The following ARSI variants were observed in gnomAD, a reference collection of about 807,000 sequenced individuals.
The protein encoded by ARSI is arylsulfatase I.
Under a neutral mutation model 42.1 loss-of-function variants are expected in ARSI, and 37 were observed. The ratio of observed to expected loss-of-function variants is 0.88; its 90% CI spans 0.68 to 1.16. The LOEUF (loss-of-function observed/expected upper bound fraction) is 1.16. ARSI is among the 50% of genes most tolerant of loss of function. The pLI is 0.00. For synonymous variants in ARSI, 305 were observed against 320.3 expected, an observed-to-expected ratio of 0.95 and a Z score of 0.51; for missense variants, 725 against 790.1, an observed-to-expected ratio of 0.92 and a Z score of 0.99.
intron 1 of ARSI, among the ~76,000 whole-genome samples, chr5:150,300,790 A>C (rs1757906817): frequency 6.6e-6 from 1 of 152,126 alleles, no homozygotes; most frequent in Non-Finnish European, 1.5e-5. Flanking sequence ...CTTAAACCAA[A>C]AGTCACCTCT....
At position 150,298,341 on chromosome 5, in the gene ARSI, C is replaced by T. The variant is rs1036095892; in HGVS notation, c.583G>A (p.Glu195Lys). ...AGCCCCCAGGCCACATTCTCACCCT[C>T]GTGCAGGTCGAAGCCGCACACGCCT... is the stretch of plus-strand genomic sequence containing the variant. Reference protein sequence around the residue: ...GPGVCGFDLHEGENVAWGLSG... With the variant: ...GPGVCGFDLHKGENVAWGLSG... The change falls in exon 2 of 2, where the codon GAG (glutamate) becomes AAG (lysine). Residue 195 changes from glutamate to lysine, a missense_variant. Physicochemically the swap from Glu to Lys is moderately conservative, Grantham distance 56 (BLOSUM62 1). Transcript: ENST00000328668. 1.7e-5 allele frequency: 28 copies of T among 1,613,992 alleles called. 1 individual carries two copies. The highest frequency in any genetic ancestry group is 2.7e-5 in the African/African-American group (2 of 74,930).
At position 150,302,722 on chromosome 5, in the gene ARSI, T is replaced by G; in HGVS notation, c.-349A>C. On this transcript the variant is annotated 5_prime_UTR_variant, in exon 1 of 2. Transcript: ENST00000328668. This position sits in a 1 kb window ranked among gnomAD's most constrained non-coding sequence, Gnocchi z 6.1. Reference sequence around the variant, plus strand: ...TCTCTACCATCCTCTGACTCCCCTCTTCCTTCTTGCCCTGGATTTCTCCCG... The same window carrying G: ...TCTCTACCATCCTCTGACTCCCCTCGTCCTTCTTGCCCTGGATTTCTCCCG... The G allele has an allele frequency of 1.0e-5, 2 of 196,034 alleles. No homozygotes were observed. The highest frequency in any genetic ancestry group is 2.1e-5 in the Non-Finnish European group (2 of 97,484). The allele number at this position is 196,034 out of a possible 1,614,324, so 12.1% of individuals were successfully genotyped here.
At chr5:150,301,950 C>T in intron 1 of ARSI, 113 bp downstream of exon 1, 2 of 1,175,392 alleles carry the variant, frequency 1.7e-6, no homozygotes, top group Non-Finnish European at 2.3e-6. Flanking sequence ...GATTACACAG[C>T]CAACAGGAGA....
Position 150,298,347 on chromosome 5 carries a change from G to T in ARSI, c.577C>A (p.Leu193Met), listed in dbSNP as rs1562225163. Residue 193 changes from leucine to methionine, a missense_variant, in exon 2 of 2, where the codon CTG (leucine) becomes ATG (methionine). By Grantham distance (15) the Leu-to-Met change is conservative. Transcript: ENST00000328668. Reference protein sequence around the residue: ...CDGPGVCGFDLHEGENVAWGL... With the variant: ...CDGPGVCGFDMHEGENVAWGL... ...CAGGCCACATTCTCACCCTCGTGCA[G>T]GTCGAAGCCGCACACGCCTGGGCCA... The T allele has an allele frequency of 6.2e-7, 1 of 1,614,154 alleles. No individual in the cohort carries two copies. The highest frequency in any genetic ancestry group is 2.2e-5 in the East Asian group (1 of 44,880).
At position 150,297,751 on chromosome 5, in the gene ARSI, G is replaced by A; in HGVS notation, c.1173C>T (p.Asn391=). 6.2e-7 allele frequency: 1 copy of A among 1,611,644 alleles called. No homozygotes were observed. Among genetic ancestry groups the A allele is most frequent in the Non-Finnish European group, 8.5e-7 (1 of 1,179,038 alleles). Residue 391 remains asparagine (N), a synonymous_variant, in exon 2 of 2, where the codon AAC becomes AAT. Transcript: ENST00000328668. The surrounding 1 kb of genome is among the most constrained non-coding windows in gnomAD (Gnocchi z 7.0). ...GGGCATGGTTGTAGAGTGGGTCAATGTTGTGCAGGATCTCCGTGCGTGGTG... is the reference window on the plus strand; with the variant it reads ...GGGCATGGTTGTAGAGTGGGTCAATATTGTGCAGGATCTCCGTGCGTGGTG... ...RASPRTEILH[N]IDPLYNHAQH...
rs1158375581 is a variant in ARSI, at chr5:150,296,455, G to A, written c.*759C>T. On this transcript the variant is annotated 3_prime_UTR_variant, in exon 2 of 2. Coordinates refer to ENST00000328668, the MANE Select transcript of ARSI (RefSeq NM_001012301.4). The stretch of plus-strand genomic sequence containing the variant: ...GGGCTGGCATCCCCACTTGCAGGTG[G>A]GGAAATCAAGGCCTAGAGGGCAAGA... The A allele has an allele frequency of 6.6e-6, 1 of 152,298 alleles. No homozygotes were observed. The highest frequency in any genetic ancestry group is 1.5e-5 in the Non-Finnish European group (1 of 68,070). 9.4% of individuals were successfully genotyped at this position (152,298 alleles called of 1,614,324 possible).
In ARSI at chr5:150,297,294, G is replaced by A. The variant is rs138932328; in HGVS notation, c.1630C>T (p.Arg544Cys). 5.6e-6 allele frequency: 9 copies of A among 1,610,496 alleles called. No homozygotes were observed. Among genetic ancestry groups the A allele is most frequent in the Admixed American group, 3.4e-5 (2 of 59,090 alleles). ...TTGCAAATCTTGCATTTTTTCTTGC[G>A]ACGACCCCGGGAGAAGCTTCGAGCC... ...GRARSFSRGR[R>C]KKKCKICKLR... Residue 544 changes from arginine (R) to cysteine (C), a missense_variant, in exon 2 of 2, where the codon CGC (arginine) becomes TGC (cysteine). By Grantham distance (180) the Arg-to-Cys change is radical. Coordinates refer to ENST00000328668, the MANE Select transcript of ARSI (RefSeq NM_001012301.4). The surrounding 1 kb of genome is among the most constrained non-coding windows in gnomAD (Gnocchi z 7.0).
chr5:150,298,158 C>T lies in ARSI; in HGVS notation c.766G>A (p.Gly256Ser). The T allele has an allele frequency of 6.2e-7, 1 of 1,614,038 alleles. No individual in the cohort carries two copies. Among genetic ancestry groups the T allele is most frequent in the Non-Finnish European group, 8.5e-7 (1 of 1,180,044 alleles). Residue 256 changes from glycine to serine, a missense_variant, in exon 2 of 2, where the codon GGC (glycine) becomes AGC (serine). By Grantham distance (56) the Gly-to-Ser change is moderately conservative (BLOSUM62 0). Coordinates refer to ENST00000328668, the MANE Select transcript of ARSI (RefSeq NM_001012301.4). ...GCGTACTTCCGCCGGGCCACATTGC[C>T]CATGGTGCGGTAGCGGTACAGGTAC... is the stretch of plus-strand genomic sequence containing the variant. ...REYLYRYRTM[G>S]NVARRKYAAM...
chr5:150,297,732 G>A lies in ARSI; in HGVS notation c.1192C>T (p.His398Tyr), dbSNP rs1236427055. ...CCCTCCAGGGAGCCATGCTGGGCATGGTTGTAGAGTGGGTCAATGTTGTGC... is the reference window on the plus strand; with the variant it reads ...CCCTCCAGGGAGCCATGCTGGGCATAGTTGTAGAGTGGGTCAATGTTGTGC... ...ILHNIDPLYNHAQHGSLEGGF... is the reference protein window; with the variant it reads ...ILHNIDPLYNYAQHGSLEGGF... The change falls in exon 2 of 2, where the codon CAT becomes TAT. Residue 398 changes from histidine to tyrosine, a missense_variant. Transcript: ENST00000328668. The surrounding 1 kb of genome is among the most constrained non-coding windows in gnomAD (Gnocchi z 7.0). 1 of 1,612,868 alleles carries A rather than the reference G, an allele frequency of 6.2e-7. No homozygotes were observed. The highest frequency in any genetic ancestry group is 2.2e-5 in the East Asian group (1 of 44,888).
chr5:150,297,468 G>A lies in ARSI; in HGVS notation c.1456C>T (p.Arg486Cys), dbSNP rs139095592. Residue 486 changes from arginine (R) to cysteine (C), a missense_variant, in exon 2 of 2, where the codon CGC becomes TGC. By Grantham distance (180) the Arg-to-Cys change is radical. Coordinates refer to ENST00000328668, the MANE Select transcript of ARSI (RefSeq NM_001012301.4). The surrounding 1 kb of genome is among the most constrained non-coding windows in gnomAD (Gnocchi z 7.0). Reference protein sequence around the residue: ...DLAGQRPDVVRTLLARLAEYN... With the variant: ...DLAGQRPDVVCTLLARLAEYN... The stretch of plus-strand genomic sequence containing the variant: ...TCGGCCAGGCGAGCCAGCAGGGTGC[G>A]GACCACATCAGGCCGCTGGCCAGCC... 8.0e-5 allele frequency: 129 copies of A among 1,613,104 alleles called. No individual in the cohort carries two copies. Among genetic ancestry groups the A allele is most frequent in the East Asian group, 6.7e-5 (3 of 44,866 alleles).
chr5:150,302,701 T>C lies in ARSI; in HGVS notation c.-328A>G. ...GTGGCAGCTTCCAAAAAGTGCTCTC[T>C]ACCATCCTCTGACTCCCCTCTTCCT... is the stretch of plus-strand genomic sequence containing the variant. On this transcript the variant is annotated 5_prime_UTR_variant, in exon 1 of 2. Transcript: ENST00000328668. This position sits in a 1 kb window ranked among gnomAD's most constrained non-coding sequence, Gnocchi z 6.1. The C allele has an allele frequency of 4.3e-6, 1 of 233,256 alleles. No homozygotes were observed. The highest frequency in any genetic ancestry group is 5.7e-5 in the Admixed American group (1 of 17,508). 14.4% of individuals were successfully genotyped at this position (233,256 alleles called of 1,614,324 possible).
intron 1 of ARSI, among the ~76,000 whole-genome samples, chr5:150,299,775 T>C (rs1562226274): frequency 1.3e-5 from 2 of 152,158 alleles, no homozygotes; most frequent in South Asian, 4.2e-4. Context: ...GGGAAATCTC[T>C]AAGACTCGTC....
At chr5:150,299,928 T>A (rs949488834) in intron 1 of ARSI, among the ~76,000 whole-genome samples, 1 of 152,064 alleles carries the variant, frequency 6.6e-6, no homozygotes, top group African/African-American at 2.4e-5. Flanking sequence ...TATCCCATCT[T>A]CCCCCTTCTG....
rs555842635 is a variant in ARSI, at chr5:150,297,200, C to T, written c.*14G>A. 77 of 1,545,104 alleles carry T rather than the reference C, an allele frequency of 5.0e-5. No homozygotes were observed. The East Asian group carries it at 1.7e-3, about 33-fold the overall frequency. On this transcript the variant is annotated 3_prime_UTR_variant, in exon 2 of 2. Coordinates refer to ENST00000328668, the MANE Select transcript of ARSI (RefSeq NM_001012301.4). This position sits in a 1 kb window ranked among gnomAD's most constrained non-coding sequence, Gnocchi z 7.0. ...GGAAGATCCTCTAAAGGACAGTTTT[C>T]TCCCTCCCCACCATCAGATCCGTTG...
chr5:150,302,365 G>T lies in ARSI; in HGVS notation c.9C>A (p.Thr3=), dbSNP rs1757936821. MH[T]LTGFSLVSLL... The stretch of plus-strand genomic sequence containing the variant: ...GGCTGACCAGGGAGAAGCCAGTGAG[G>T]GTGTGCATCGCCAAGCCGGCCCGCG... The change falls in exon 1 of 2, where the codon ACC becomes ACA. Residue 3 remains threonine (T), a synonymous_variant. Transcript: ENST00000328668. The surrounding 1 kb of genome is among the most constrained non-coding windows in gnomAD (Gnocchi z 6.1). 4 of 1,475,808 alleles carry T rather than the reference G, an allele frequency of 2.7e-6. No homozygotes were observed. The South Asian group carries it at 5.5e-5, about 20-fold the overall frequency. 91.4% of individuals were successfully genotyped at this position (1,475,808 alleles called of 1,614,324 possible). A position where few individuals can be genotyped will look rare whatever the true frequency, so the allele number is the denominator to read the frequency against.
chr5:150,300,620 C>T (rs902237034), intron 1 of ARSI, among the ~76,000 whole-genome samples: 2 of 152,128 alleles, frequency 1.3e-5, no homozygotes, highest in African/African-American at 4.8e-5. Flanking sequence ...TCACAAAACA[C>T]AACTGGATGT....
intron 1 of ARSI, 121 bp from the exon 2 acceptor site, chr5:150,298,733 A>G (rs6579785): frequency 0.75 from 634,081 of 851,110 alleles, 238,817 homozygotes; most frequent in Non-Finnish European, 0.78. Flanking sequence ...AGCAAAAATA[A>G]TAACAGTAAC....
intron 1 of ARSI, among the ~76,000 whole-genome samples, chr5:150,301,300 G>C (rs1021443156): frequency 5.3e-5 from 8 of 152,188 alleles, no homozygotes; most frequent in African/African-American, 1.9e-4. Flanking sequence ...AGTGGCCAGA[G>C]TTTGCCTTCC....
intron 1 of ARSI, among the ~76,000 whole-genome samples, chr5:150,299,747 A>G (rs1757889155): frequency 6.6e-6 from 1 of 152,088 alleles, no homozygotes; most frequent in Admixed American, 6.5e-5. Flanking sequence ...TTGCTCCCGT[A>G]TAGGAGTTGG....
Sources: allele counts gnomAD v4.1 joint callset (sites outside exome capture counted in the v4.1 genomes callset), GRCh38; gene constraint gnomAD v4.1.1; non-coding constraint Gnocchi (gnomAD v3.1); transcripts MANE v1.5; gene names NCBI Gene and HGNC (gene_info 2026-07-23, HGNC 2026-07-21).